PCDHGC5: variants seen among roughly 807,000 people sequenced by gnomAD.
PCDHGC5 encodes protocadherin gamma-C5.
Under a neutral mutation model 59.0 loss-of-function variants are expected in PCDHGC5, and 25 were observed. The observed-to-expected ratio is 0.42, with a 90% CI of 0.31 to 0.59. PCDHGC5 has a LOEUF of 0.59. Among genes scored for constraint, PCDHGC5 ranks in the 20% least tolerant of loss-of-function variants. PCDHGC5 has a pLI of 0.13. For missense variants in PCDHGC5, 1,067 were observed against 1,206.4 expected, an observed-to-expected ratio of 0.88 and a Z score of 1.71; for synonymous variants, 434 against 505.5, an observed-to-expected ratio of 0.86 and a Z score of 1.90.
Position 141,490,778 on chromosome 5 carries a change from A to T in PCDHGC5, c.1538A>T (p.Asp513Val), listed in dbSNP as rs964301520. The T allele has an allele frequency of 5.6e-6, 9 of 1,614,098 alleles. No individual in the cohort carries two copies. The highest frequency in any genetic ancestry group is 7.6e-6 in the Non-Finnish European group (9 of 1,179,962). Residue 513 changes from aspartate to valine, a missense_variant, in exon 1 of 4, where the codon GAT becomes GTT. Transcript: ENST00000252087. This position sits in a 1 kb window ranked among gnomAD's most constrained non-coding sequence, Gnocchi z 5.4. ...ASSFVYVNPEDGRIFAQRTFD... is the reference protein window; with the variant it reads ...ASSFVYVNPEVGRIFAQRTFD... ...TCCTTTGTGTATGTCAACCCAGAGG[A>T]TGGACGGATCTTTGCCCAGCGTACC... is the stretch of plus-strand genomic sequence containing the variant.
At chr5:141,492,121 C>G (rs1205499685) in intron 1 of PCDHGC5, among the ~76,000 whole-genome samples, 1 of 152,232 alleles carries the variant, frequency 6.6e-6, no homozygotes, top group Non-Finnish European at 1.5e-5. Context: ...CGATTTCTCC[C>G]CAGCTCCCAG....
chr5:141,505,338 G>T, intron 2 of PCDHGC5, 55 bp from the exon 3 acceptor site: 1 of 1,612,254 alleles, frequency 6.2e-7, no homozygotes, highest in South Asian at 1.1e-5. Flanking sequence ...GGACAGGAGG[G>T]GCATGAGCTG....
chr5:141,502,039 G>T (rs2099812498), intron 2 of PCDHGC5, among the ~76,000 whole-genome samples: 1 of 152,126 alleles, frequency 6.6e-6, no homozygotes, highest in South Asian at 2.1e-4. Context: ...CCGCTTGCCT[G>T]CTCTCCCTAC....
chr5:141,507,495 G>A (rs375483743), intron 3 of PCDHGC5, among the ~76,000 whole-genome samples: 5 of 152,352 alleles, frequency 3.3e-5, no homozygotes, highest in East Asian at 3.9e-4. Flanking sequence ...AGGCAGAGCT[G>A]TCCCAGGTCT....
chr5:141,508,647 C>T (rs1301017914), intron 3 of PCDHGC5, among the ~76,000 whole-genome samples: 4 of 152,090 alleles, frequency 2.6e-5, no homozygotes, highest in African/African-American at 9.7e-5. Flanking sequence ...CTCCGTCAGG[C>T]CCTTCCTGTC....
chr5:141,498,814 T>G (rs2099785952), intron 2 of PCDHGC5, among the ~76,000 whole-genome samples: 1 of 151,956 alleles, frequency 6.6e-6, no homozygotes. Flanking sequence ...ACACCTGTAG[T>G]CCCAGCTACT....
At position 141,489,545 on chromosome 5, in the gene PCDHGC5, G is replaced by A. The variant is rs1396651116; in HGVS notation, c.305G>A (p.Cys102Tyr). The change falls in exon 1 of 4, where the codon TGC (cysteine) becomes TAC (tyrosine). Residue 102 changes from cysteine to tyrosine, a missense_variant. By Grantham distance (194) the Cys-to-Tyr change is radical. Transcript: ENST00000252087. The surrounding 1 kb of genome is among the most constrained non-coding windows in gnomAD (Gnocchi z 4.5). ...RESLCGASTS[C>Y]LLPVQVVTEH... ...AGCCTATGTGGAGCCAGCACCAGCT[G>A]CCTGCTGCCAGTGCAGGTGGTGACT... 3 of 1,613,984 alleles carry A rather than the reference G, an allele frequency of 1.9e-6. No individual in the cohort carries two copies. The highest frequency in any genetic ancestry group is 2.5e-6 in the Non-Finnish European group (3 of 1,180,022).
intron 3 of PCDHGC5, among the ~76,000 whole-genome samples, chr5:141,506,444 CAAAAAAAAAA>C (rs1219684339): frequency 8.4e-5 from 8 of 95,030 alleles, no homozygotes; most frequent in Non-Finnish European, 1.3e-4. Context: ...CGCTCTGTCT[CAAAAAAAAAA>C]AAAAAAAAAA....
At position 141,490,207 on chromosome 5, in the gene PCDHGC5, C is replaced by T. The variant is rs142098675; in HGVS notation, c.967C>T (p.Arg323Cys). Residue 323 changes from arginine (R) to cysteine (C), a missense_variant, in exon 1 of 4, where the codon CGT becomes TGT. Physicochemically the swap from Arg to Cys is radical, Grantham distance 180 (BLOSUM62 -3). Transcript: ENST00000252087. This position sits in a 1 kb window ranked among gnomAD's most constrained non-coding sequence, Gnocchi z 5.4. ...TTTCTATGAAATTCATGCAAGAGCC[C>T]GTGACCAGGGACAGCCTGCCATGGA... ...SRFYEIHARARDQGQPAMEGH... is the reference protein window; with the variant it reads ...SRFYEIHARACDQGQPAMEGH... 41 of 1,614,056 alleles carry T rather than the reference C, an allele frequency of 2.5e-5. No homozygotes were observed. The highest frequency in any genetic ancestry group is 3.3e-4 in the Middle Eastern group (2 of 6,084).
At position 141,499,673 on chromosome 5, in the gene PCDHGC5, C is replaced by A. The variant is rs1193484216; in HGVS notation, c.2519+4808C>A. Among the ~76,000 whole-genome samples the A allele has an allele frequency of 2.7e-5, 4 of 150,550 alleles. No individual in the cohort carries two copies. In the East Asian group the frequency reaches 7.8e-4, roughly 29 times the overall value. On this transcript the variant is annotated intron_variant, in intron 2 of 3. Transcript: ENST00000252087. ...CATATAATTTCATCTTGGTCTCCACCATCTTTAACAGATGACTTTTTTTTT... is the reference window on the plus strand; with the variant it reads ...CATATAATTTCATCTTGGTCTCCACAATCTTTAACAGATGACTTTTTTTTT...
At chr5:141,506,669 A>C (rs1293213848) in intron 3 of PCDHGC5, among the ~76,000 whole-genome samples, 1 of 152,198 alleles carries the variant, frequency 6.6e-6, no homozygotes, top group African/African-American at 2.4e-5. Flanking sequence ...GTAAGGGCAC[A>C]ATATATTATT....
Position 141,490,198 on chromosome 5 carries a change from G to A in PCDHGC5, c.958G>A (p.Ala320Thr). ...GGAGTCACGTTTCTATGAAATTCAT[G>A]CAAGAGCCCGTGACCAGGGACAGCC... Reference protein sequence around the residue: ...FEESRFYEIHARARDQGQPAM... With the variant: ...FEESRFYEIHTRARDQGQPAM... Residue 320 changes from alanine (A) to threonine (T), a missense_variant, in exon 1 of 4, where the codon GCA (alanine) becomes ACA (threonine). By Grantham distance (58) the Ala-to-Thr change is moderately conservative. Coordinates refer to ENST00000252087, the MANE Select transcript of PCDHGC5 (RefSeq NM_018929.3). The surrounding 1 kb of genome is among the most constrained non-coding windows in gnomAD (Gnocchi z 5.4). The A allele has an allele frequency of 6.2e-7, 1 of 1,614,208 alleles. No homozygotes were observed. Among genetic ancestry groups the A allele is most frequent in the Non-Finnish European group, 8.5e-7 (1 of 1,180,038 alleles).
chr5:141,502,446 C>T (rs541278139), intron 2 of PCDHGC5, among the ~76,000 whole-genome samples: 1 of 152,098 alleles, frequency 6.6e-6, no homozygotes, highest in South Asian at 2.1e-4. Context: ...ATTCAGATTA[C>T]ACACCTTGGT....
At chr5:141,504,842 A>G (rs944461166) in intron 2 of PCDHGC5, among the ~76,000 whole-genome samples, 7 of 151,968 alleles carry the variant, frequency 4.6e-5, no homozygotes, top group African/African-American at 1.7e-4. Context: ...CTAGCTCTGG[A>G]ACATTCTCTT....
At chr5:141,495,697 A>G (rs1010733016) in intron 2 of PCDHGC5, among the ~76,000 whole-genome samples, 1 of 152,086 alleles carries the variant, frequency 6.6e-6, no homozygotes, top group Non-Finnish European at 1.5e-5. Flanking sequence ...AGTGCTCAAT[A>G]AATGTGGAGT....
chr5:141,495,005 C>CG (rs2099758180), intron 2 of PCDHGC5, 140 bp downstream of exon 2: 6 of 1,522,802 alleles, frequency 3.9e-6, no homozygotes, highest in Admixed American at 2.0e-5. Context: ...TCTTGGTGTG[C>CG]GGGGGGCTGG....
At chr5:141,506,444 CAAAA>C (rs1219684339) in intron 3 of PCDHGC5, among the ~76,000 whole-genome samples, 5 of 95,022 alleles carry the variant, frequency 5.3e-5, no homozygotes, top group Admixed American at 1.1e-4. Context: ...CGCTCTGTCT[CAAAA>C]AAAAAAAAAA....
intron 2 of PCDHGC5, among the ~76,000 whole-genome samples, chr5:141,499,182 C>T (rs980293990): frequency 5.3e-5 from 8 of 152,114 alleles, no homozygotes; most frequent in African/African-American, 1.7e-4. Flanking sequence ...GCCCAGCAAA[C>T]CATTTCCCCC....
At chr5:141,499,247 A>C (rs908111927) in intron 2 of PCDHGC5, among the ~76,000 whole-genome samples, 1 of 152,036 alleles carries the variant, frequency 6.6e-6, no homozygotes, top group Non-Finnish European at 1.5e-5. Flanking sequence ...CTCTGCACAA[A>C]GAGTCTCCAT....
Sources: gnomAD v4.1 joint callset for allele counts (sites outside exome capture counted in the v4.1 genomes callset) on GRCh38, gnomAD v4.1.1 for gene constraint, Gnocchi (gnomAD v3.1) non-coding constraint, MANE v1.5 for transcripts, NCBI Gene and HGNC (gene_info 2026-07-23, HGNC 2026-07-21) for gene names.